MSR1: variants seen among roughly 807,000 people sequenced by gnomAD.
The protein encoded by MSR1 is macrophage scavenger receptor types I and II.
MSR1 carries 53 observed loss-of-function variants against 47.2 expected under a neutral mutation model. The observed-to-expected ratio is 1.12, with a 90% CI of 0.90 to 1.41. The LOEUF is 1.41. Among genes scored for constraint, MSR1 ranks in the 40% most tolerant of loss-of-function variants. The pLI is 0.00. For missense variants in MSR1, 786 were observed against 546.9 expected, an observed-to-expected ratio of 1.44 and a Z score of -4.36; for synonymous variants, 239 against 185.6, an observed-to-expected ratio of 1.29 and a Z score of -2.34.
chr8:16,174,308 G>C (rs1801576464), intron 3 of MSR1, among the ~76,000 whole-genome samples: 1 of 152,058 alleles, frequency 6.6e-6, no homozygotes, highest in African/African-American at 2.4e-5. Flanking sequence ...CTTATTCCCA[G>C]CCTATCTCTT....
In MSR1 at chr8:16,144,193, G is replaced by A. The variant is rs557142073; in HGVS notation, c.980-582C>T. ...GGTGTGGTACAAATATTTCATATGA[G>A]GGTCAGGGCTTCAAATGGATGCAGA... On this transcript the variant is annotated intron_variant, in intron 7 of 9. Transcript: ENST00000262101. 4.6e-5 allele frequency among the ~76,000 whole-genome samples: 7 copies of A among 152,166 alleles called. No individual in the cohort carries two copies. The East Asian group carries it at 1.4e-3, about 29-fold the overall frequency.
intron 9 of MSR1, among the ~76,000 whole-genome samples, chr8:16,120,201 C>A (rs1442833259): frequency 1.3e-5 from 2 of 151,802 alleles, no homozygotes; most frequent in African/African-American, 4.8e-5. Context: ...CACGGTGAAA[C>A]CCCATCTCTA....
chr8:16,131,490 G>A (rs1800258672), intron 8 of MSR1, among the ~76,000 whole-genome samples: 1 of 114,442 alleles, frequency 8.7e-6, no homozygotes, highest in African/African-American at 3.4e-5. Context: ...CTCTAATTAG[G>A]ACCCATTTGT....
intron 8 of MSR1, among the ~76,000 whole-genome samples, chr8:16,143,310 T>C (rs541569798): frequency 7.2e-5 from 11 of 152,268 alleles, no homozygotes; most frequent in African/African-American, 2.2e-4. Context: ...TTGTGGAATT[T>C]TTAGAAAATA....
At chr8:16,164,861 A>T (rs564447544) in intron 4 of MSR1, among the ~76,000 whole-genome samples, 1 of 152,074 alleles carries the variant, frequency 6.6e-6, no homozygotes, top group Non-Finnish European at 1.5e-5. Flanking sequence ...ATACATACAC[A>T]TTCATATACT....
In MSR1 at chr8:16,177,946, C is replaced by G. The variant is rs1314718336; in HGVS notation, c.43G>C (p.Asp15His). Residue 15 changes from aspartate (D) to histidine (H), a missense_variant, in exon 2 of 10, where the codon GAT (aspartate) becomes CAT (histidine). Asp to His is a moderately conservative substitution (Grantham distance 81, BLOSUM62 -1). Transcript: ENST00000262101. Reference sequence around the variant, plus strand: ...AATTTCACAGATTCGGAGCAGCTATCAGTGTCCTCCTGTTGATTGTGAAAG... The same window carrying G: ...AATTTCACAGATTCGGAGCAGCTATGAGTGTCCTCCTGTTGATTGTGAAAG... ...DHFHNQQEDT[D>H]SCSESVKFDA... is the part of the protein sequence containing the mutation. 1 of 1,613,818 alleles carries G rather than the reference C, an allele frequency of 6.2e-7. No homozygotes were observed. The highest frequency in any genetic ancestry group is 8.5e-7 in the Non-Finnish European group (1 of 1,179,928).
intron 9 of MSR1, among the ~76,000 whole-genome samples, chr8:16,114,496 G>A (rs351547): frequency 0.042 from 6,321 of 152,100 alleles, 437 homozygotes; most frequent in African/African-American, 0.14. Context: ...ACTGTTGTAT[G>A]ATAAAACTCA....
intron 9 of MSR1, among the ~76,000 whole-genome samples, chr8:16,112,751 A>G (rs754863139): frequency 2.0e-5 from 3 of 151,690 alleles, no homozygotes; most frequent in Non-Finnish European, 4.4e-5. Context: ...CCTCTGAACT[A>G]TTCTTTCTAT....
At chr8:16,166,935 G>C (rs1004895150) in intron 4 of MSR1, among the ~76,000 whole-genome samples, 7 of 71,994 alleles carry the variant, frequency 9.7e-5, no homozygotes, top group African/African-American at 2.9e-4. Context: ...GTACACAGGA[G>C]TACACACACA....
chr8:16,165,481 A>G (rs1801278629), intron 4 of MSR1, among the ~76,000 whole-genome samples: 1 of 151,982 alleles, frequency 6.6e-6, no homozygotes, highest in African/African-American at 2.4e-5. Flanking sequence ...ATTTTTGATG[A>G]ACCAAATGTT....
At chr8:16,161,601 A>G (rs372738620) in intron 5 of MSR1, among the ~76,000 whole-genome samples, 63 of 151,952 alleles carry the variant, frequency 4.1e-4, no homozygotes, top group African/African-American at 1.4e-3. Context: ...ATGTTCCCCT[A>G]TCTCATTCAT....
rs1046999866 is a variant in MSR1 at position 16,186,071 on chromosome 8, G to A, written c.-5+6527C>T. 45 of 1,148,822 alleles carry A rather than the reference G, an allele frequency of 3.9e-5. No individual in the cohort carries two copies. The African/African-American group carries it at 4.6e-4, about 12-fold the overall frequency. 71.2% of individuals were successfully genotyped at this position (1,148,822 alleles called of 1,614,324 possible). ...AAGTTGTTTTTCCTGTGTGGTAGAA[G>A]CAGAAATAAAACCTTGCAAGATTGG... On this transcript the variant is annotated intron_variant, in intron 1 of 9. Coordinates refer to ENST00000262101, the MANE Select transcript of MSR1 (RefSeq NM_138715.3).
chr8:16,166,029 T>A (rs1281278388), intron 4 of MSR1, among the ~76,000 whole-genome samples: 2 of 152,068 alleles, frequency 1.3e-5, no homozygotes, highest in African/African-American at 4.8e-5. Context: ...GGGCTAAAAA[T>A]TGCTGCAAGT....
chr8:16,179,253 T>A (rs1371504960), intron 1 of MSR1, among the ~76,000 whole-genome samples: 1 of 152,192 alleles, frequency 6.6e-6, no homozygotes, highest in East Asian at 1.9e-4. Context: ...TGATTTGACT[T>A]CTTACAAAAG....
rs200739372 is a variant in MSR1 at position 16,188,967 on chromosome 8, CATATATATATAT to C, written c.-5+3619_-5+3630del. Among the ~76,000 whole-genome samples the C allele has an allele frequency of 1.1e-4, 14 of 122,268 alleles. No homozygotes were observed. In the East Asian group the frequency reaches 1.8e-3, roughly 16 times the overall value. The allele number at this position is 122,268 out of a possible 152,430, so 80.2% of individuals were successfully genotyped here. A position where few individuals can be genotyped will look rare whatever the true frequency, so the allele number is the denominator to read the frequency against. On this transcript the variant is annotated intron_variant, in intron 1 of 9. Coordinates refer to ENST00000262101, the MANE Select transcript of MSR1 (RefSeq NM_138715.3). ...GCTACCTAATAATTCAACACACATA[CATATATATATAT>C]ATATATATATATATATATAAAACAA...
At chr8:16,117,041 C>T (rs1007651988) in intron 9 of MSR1, among the ~76,000 whole-genome samples, 1 of 152,110 alleles carries the variant, frequency 6.6e-6, no homozygotes, top group Non-Finnish European at 1.5e-5. Flanking sequence ...GGGCTAGTTT[C>T]TTAAAGCAGG....
rs199595264 is a variant in MSR1, at chr8:16,191,520, CT to C, written c.-5+1077del. ...GAATCCCTGTTATTTTAAAATATCA[CT>C]TTTTTTTTAAATATGAGCTTTTCTT... On this transcript the variant is annotated intron_variant, in intron 1 of 9. Coordinates refer to ENST00000262101, the MANE Select transcript of MSR1 (RefSeq NM_138715.3). 3.5e-4 allele frequency among the ~76,000 whole-genome samples: 53 copies of C among 151,500 alleles called. No individual in the cohort carries two copies. In the South Asian group the frequency reaches 4.0e-3, roughly 11 times the overall value.
At chr8:16,118,562 G>A (rs908543273) in intron 9 of MSR1, among the ~76,000 whole-genome samples, 1 of 151,952 alleles carries the variant, frequency 6.6e-6, no homozygotes, top group Admixed American at 6.6e-5. Context: ...GCTGGTAGTC[G>A]CAGCTTCTCA....
chr8:16,186,957 A>G (rs1802017602), intron 1 of MSR1, among the ~76,000 whole-genome samples: 1 of 151,912 alleles, frequency 6.6e-6, no homozygotes, highest in South Asian at 2.1e-4. Flanking sequence ...TCACGCTTAC[A>G]TTCTTGAATT....
Sources: gnomAD v4.1 joint callset for allele counts (sites outside exome capture counted in the v4.1 genomes callset) on GRCh38, gnomAD v4.1.1 for gene constraint, MANE v1.5 for transcripts, NCBI Gene and HGNC (gene_info 2026-07-23, HGNC 2026-07-21) for gene names.